Variants in NPLOC4 observed in about 807,000 individuals in gnomAD.
NPLOC4 encodes NPL4 homolog, ubiquitin recognition factor.
In NPLOC4, 18 loss-of-function variants were observed where a neutral mutation model predicts 80.6. The ratio of observed to expected loss-of-function variants is 0.22; its 90% CI spans 0.15 to 0.33. The LOEUF (loss-of-function observed/expected upper bound fraction) is 0.33. NPLOC4 is among the 10% of genes least tolerant of loss of function. The probability of loss-of-function intolerance (pLI) is 1.00; values close to 1 mark genes in which losing one functional copy is unlikely to be tolerated. For synonymous variants in NPLOC4, 313 were observed against 301.5 expected (o/e 1.04, Z -0.39); for missense variants, 540 against 786.1 (o/e 0.69, Z 3.74).
At chr17:81,612,355 A>T (rs2035364289) in intron 4 of NPLOC4, among the ~76,000 whole-genome samples, 1 of 152,072 alleles carries the variant, frequency 6.6e-6, no homozygotes, top group African/African-American at 2.4e-5. Flanking sequence ...GAATTCTCTC[A>T]CACACACACG....
chr17:81,631,042 G>A (rs371547793), intron 1 of NPLOC4, among the ~76,000 whole-genome samples: 2 of 151,690 alleles, frequency 1.3e-5, no homozygotes, highest in African/African-American at 4.8e-5. Context: ...GCGTGGTGGC[G>A]GGCACCTGTA....
rs533604601 is a variant in NPLOC4 at position 81,570,939 on chromosome 17, AAG to A, written c.1353+1076_1353+1077del. On this transcript the variant is annotated intron_variant, in intron 13 of 16. Transcript: ENST00000331134. ...GGCAAAAACTTAACTTCCTTTATAA[AAG>A]AAGAGGAAAGAAGTGGGGAGGCTGC... is the stretch of plus-strand genomic sequence containing the variant. Among the ~76,000 whole-genome samples, 456 of 113,236 alleles carry A rather than the reference AAG, an allele frequency of 4.0e-3. 1 individual carries two copies. The highest frequency in any genetic ancestry group is 0.015 in the African/African-American group (425 of 28,076). The allele number at this position is 113,236 out of a possible 152,430, so 74.3% of individuals were successfully genotyped here.
At chr17:81,629,863 C>T in intron 1 of NPLOC4, 58 bp from the exon 2 acceptor site, 1 of 1,252,148 alleles carries the variant, frequency 8.0e-7, no homozygotes, top group Admixed American at 1.8e-5. Flanking sequence ...TGATCTAATA[C>T]TACGGCTTCC....
At chr17:81,569,600 A>G (rs558654893) in intron 13 of NPLOC4, among the ~76,000 whole-genome samples, 1 of 152,298 alleles carries the variant, frequency 6.6e-6, no homozygotes, top group East Asian at 1.9e-4. Context: ...GACACAAAGC[A>G]CCCTTCAGCA....
chr17:81,596,012 GA>G (rs1358145601), intron 11 of NPLOC4, 103 bp downstream of exon 11: 2 of 1,172,402 alleles, frequency 1.7e-6, no homozygotes, highest in African/African-American at 3.1e-5. Flanking sequence ...AGCCCAGTAA[GA>G]AAGTCCAGTA....
At chr17:81,601,803 C>T (rs1214946311) in intron 8 of NPLOC4, among the ~76,000 whole-genome samples, 1 of 152,076 alleles carries the variant, frequency 6.6e-6, no homozygotes, top group African/African-American at 2.4e-5. Context: ...ACTGAAAATC[C>T]GTATAAATAC....
At chr17:81,622,583 T>TC (rs1207544588) in intron 2 of NPLOC4, among the ~76,000 whole-genome samples, 1 of 152,222 alleles carries the variant, frequency 6.6e-6, no homozygotes, top group African/African-American at 2.4e-5. Context: ...GACAGTCTCG[T>TC]TCTGTAGCCC....
At chr17:81,631,437 T>TATATATATATA (rs200897859) in intron 1 of NPLOC4, among the ~76,000 whole-genome samples, 3,392 of 42,168 alleles carry the variant, frequency 0.08, 74 homozygotes, top group South Asian at 0.11. Context: ...TATATATATA[T>TATATATATATA]TTTTTTTTTT....
Position 81,579,840 on chromosome 17 carries a change from G to A in NPLOC4, c.1282-7752C>T, listed in dbSNP as rs970065042. ...GCTCTCCCTGGCAGTGAAACCCCCCGAAAGAGTCATGCAGCTTGCTGATGT... is the reference window on the plus strand; with the variant it reads ...GCTCTCCCTGGCAGTGAAACCCCCCAAAAGAGTCATGCAGCTTGCTGATGT... On this transcript the variant is annotated intron_variant, in intron 12 of 16. Coordinates refer to ENST00000331134, the MANE Select transcript of NPLOC4 (RefSeq NM_017921.4). Among the ~76,000 whole-genome samples the A allele has an allele frequency of 2.6e-5, 4 of 151,986 alleles. No homozygotes were observed. The East Asian group carries it at 7.7e-4, about 29-fold the overall frequency.
rs367969907 is a variant in NPLOC4 at position 81,629,147 on chromosome 17, C to A, written c.96+578G>T. ...CCCGCCTCGGCCTCCCAAAGTGCTGCGATTACAGGCGTCAGCCACTGCGCC... is the reference window on the plus strand; with the variant it reads ...CCCGCCTCGGCCTCCCAAAGTGCTGAGATTACAGGCGTCAGCCACTGCGCC... On this transcript the variant is annotated intron_variant, in intron 2 of 16. Coordinates refer to ENST00000331134, the MANE Select transcript of NPLOC4 (RefSeq NM_017921.4). 5.2e-4 allele frequency among the ~76,000 whole-genome samples: 77 copies of A among 149,302 alleles called. 2 individuals carry two copies. In the East Asian group the frequency reaches 0.014, roughly 27 times the overall value.
chr17:81,567,124 C>T lies in NPLOC4; in HGVS notation c.1566+293G>A. The T allele has an allele frequency of 2.7e-6, 1 of 371,708 alleles. No individual in the cohort carries two copies. Among genetic ancestry groups the T allele is most frequent in the Non-Finnish European group, 5.0e-6 (1 of 200,312 alleles). The allele number at this position is 371,708 out of a possible 1,614,324, so 23.0% of individuals were successfully genotyped here. On this transcript the variant is annotated intron_variant, in intron 15 of 16. Coordinates refer to ENST00000331134, the MANE Select transcript of NPLOC4 (RefSeq NM_017921.4). This position sits in a 1 kb window ranked among gnomAD's most constrained non-coding sequence, Gnocchi z 4.5. ...TAATGCTGGAGGCAGAGCTAAATCA[C>T]CTCTGCTTCCCATTCGATTGTAACA...
At chr17:81,618,496 C>T (rs1440004788) in intron 3 of NPLOC4, among the ~76,000 whole-genome samples, 1 of 128,324 alleles carries the variant, frequency 7.8e-6, no homozygotes, top group African/African-American at 3.0e-5. Flanking sequence ...GGGGGGTCAG[C>T]GACCCCGCCC....
intron 12 of NPLOC4, among the ~76,000 whole-genome samples, chr17:81,587,926 C>T (rs1355065990): frequency 1.3e-5 from 2 of 151,972 alleles, no homozygotes. Flanking sequence ...CCGCCCATCT[C>T]GGCCTCCCAA....
intron 16 of NPLOC4, 76 bp from the exon 17 acceptor site, chr17:81,559,492 G>GGGGCA (rs1568110502): frequency 2.2e-5 from 33 of 1,481,432 alleles, no homozygotes; most frequent in Non-Finnish European, 2.7e-6. Context: ...CATGGGGGCA[G>GGGGCA]GGGCAGGCAG....
chr17:81,602,860 C>T (rs185411093), intron 8 of NPLOC4, among the ~76,000 whole-genome samples: 1 of 151,342 alleles, frequency 6.6e-6, no homozygotes, highest in Non-Finnish European at 1.5e-5. Context: ...GGTAACATGG[C>T]GAGATCTGTC....
intron 3 of NPLOC4, among the ~76,000 whole-genome samples, chr17:81,618,547 C>A (rs1484419791): frequency 6.9e-6 from 1 of 145,430 alleles, no homozygotes; most frequent in Non-Finnish European, 1.5e-5. Context: ...GGGGTCAGTG[C>A]CCCCGCCCGG....
intron 1 of NPLOC4, among the ~76,000 whole-genome samples, chr17:81,631,119 G>C (rs1447348452): frequency 6.6e-6 from 1 of 151,972 alleles, no homozygotes; most frequent in Non-Finnish European, 1.5e-5. Context: ...GTTGCAGTGA[G>C]CCAAGATCGT....
At chr17:81,587,630 T>TAAAAAAAAAAA (rs57639613) in intron 12 of NPLOC4, among the ~76,000 whole-genome samples, 3 of 102,160 alleles carry the variant, frequency 2.9e-5, no homozygotes, top group African/African-American at 1.2e-4. Context: ...CCTGTCTCTT[T>TAAAAAAAAAAA]AAAAAAAAAA....
chr17:81,587,390 A>G (rs2034610581), intron 12 of NPLOC4, among the ~76,000 whole-genome samples: 1 of 151,656 alleles, frequency 6.6e-6, no homozygotes, highest in Non-Finnish European at 1.5e-5. Context: ...ATCTTGGCTC[A>G]TTGCAAGCTC....
Sources: gnomAD v4.1 joint callset for allele counts (sites outside exome capture counted in the v4.1 genomes callset) on GRCh38, gnomAD v4.1.1 for gene constraint, Gnocchi (gnomAD v3.1) non-coding constraint, MANE v1.5 for transcripts, NCBI Gene and HGNC (gene_info 2026-07-23, HGNC 2026-07-21) for gene names.